Variants in POU3F3 observed in about 807,000 individuals in gnomAD.
The protein encoded by POU3F3 is POU domain, class 3, transcription factor 3.
A neutral mutation model predicts 8.6 loss-of-function variants in POU3F3; 1 was observed. The observed-to-expected ratio is 0.12, with a 90% CI of 0.04 to 0.55. The LOEUF (loss-of-function observed/expected upper bound fraction) is 0.55, where lower values mean the gene tolerates loss of function less well. POU3F3 is among the 20% of genes least tolerant of loss of function. POU3F3 has a pLI of 0.91. For synonymous variants in POU3F3, 418 were observed against 327.4 expected, an observed-to-expected ratio of 1.28 and a Z score of -2.99; for missense variants, 577 against 690.7, an observed-to-expected ratio of 0.84 and a Z score of 1.84.
the POU3F3 span, among the ~76,000 whole-genome samples, chr2:104,903,655 T>C: frequency 2.6e-5 from 4 of 152,292 alleles, no homozygotes; most frequent in East Asian, 5.8e-4. Context: ...GCACCAGGCA[T>C]ATGTGTCTGG....
the POU3F3 span, among the ~76,000 whole-genome samples, chr2:104,894,230 A>G: frequency 2.0e-5 from 3 of 152,262 alleles, no homozygotes; most frequent in African/African-American, 7.2e-5. Context: ...GTTAGGCATT[A>G]TCACTATTAA....
At chr2:104,918,517 A>G in the POU3F3 span, among the ~76,000 whole-genome samples, 4,203 of 152,258 alleles carry the variant, frequency 0.028, 371 homozygotes, top group East Asian at 0.27. Flanking sequence ...GTGTCCTTAT[A>G]ACATGAGGAC....
At chr2:104,896,567 C>T in the POU3F3 span, among the ~76,000 whole-genome samples, 1 of 152,258 alleles carries the variant, frequency 6.6e-6, no homozygotes, top group Admixed American at 6.5e-5. Context: ...CCCCTCTCAA[C>T]TTCTTCCACA....
In POU3F3 at chr2:104,855,596, CTGGCGGCGGCGGGGGTGGCGGCGG is replaced by C. The variant is rs1310130324; in HGVS notation, c.87_110del (p.Gly36_Gly43del). 7 of 934,104 alleles carry C rather than the reference CTGGCGGCGGCGGGGGTGGCGGCGG, an allele frequency of 7.5e-6. No individual in the cohort carries two copies. Among genetic ancestry groups the C allele is most frequent in the East Asian group, 1.4e-4 (1 of 6,906 alleles). The allele number at this position is 934,104 out of a possible 1,614,324, so 57.9% of individuals were successfully genotyped here. A position where few individuals can be genotyped will look rare whatever the true frequency, so the allele number is the denominator to read the frequency against. On this transcript the variant is annotated inframe_deletion, in exon 1 of 1. Transcript: ENST00000361360. ...ATTGTGCACTCGGACGCGGCAGGGG[CTGGCGGCGGCGGGGGTGGCGGCGG>C]CGGCGGCGGCGGGGGCGGCGCAGGG...
At chr2:104,861,708 GTGT>G (rs1433071058), downstream of POU3F3, among the ~76,000 whole-genome samples, 2 of 152,338 alleles carry the variant, frequency 1.3e-5, no homozygotes, top group East Asian at 3.9e-4. Context: ...ATCAGCACAG[GTGT>G]TGTTGTCGTT....
At chr2:104,870,836 T>C in the POU3F3 span, among the ~76,000 whole-genome samples, 1 of 152,090 alleles carries the variant, frequency 6.6e-6, no homozygotes, top group Non-Finnish European at 1.5e-5. Flanking sequence ...GCAAGGAGGG[T>C]TGGCAAATCA....
chr2:104,877,633 T>C, the POU3F3 span, among the ~76,000 whole-genome samples: 1 of 151,794 alleles, frequency 6.6e-6, no homozygotes, highest in African/African-American at 2.4e-5. Flanking sequence ...TCAATTGCCA[T>C]CACTGATTCT....
Position 104,857,117 on chromosome 2 carries a change from TGCC to T in POU3F3, c.*113_*115del. ...CCGCCGCCGCCGCCGCCGCCGCCGC[TGCC>T]GCCGCCGCGCCGACCCTGCACCTGG... is the stretch of plus-strand genomic sequence containing the variant. On this transcript the variant is annotated 3_prime_UTR_variant, in exon 1 of 1. Transcript: ENST00000361360. 3 of 952,218 alleles carry T rather than the reference TGCC, an allele frequency of 3.2e-6. No homozygotes were observed. The highest frequency in any genetic ancestry group is 1.2e-4 in the East Asian group (1 of 8,670). 59.0% of individuals were successfully genotyped at this position (952,218 alleles called of 1,614,324 possible). A position where few individuals can be genotyped will look rare whatever the true frequency, so the allele number is the denominator to read the frequency against.
At chr2:104,912,739 C>A in the POU3F3 span, among the ~76,000 whole-genome samples, 3 of 152,310 alleles carry the variant, frequency 2.0e-5, no homozygotes, top group South Asian at 6.2e-4. Flanking sequence ...TTGCTGGGGA[C>A]ACCTCTTGCC....
chr2:104,877,049 T>TACACACACAC, the POU3F3 span, among the ~76,000 whole-genome samples: 3,761 of 150,628 alleles, frequency 0.025, 63 homozygotes, highest in Middle Eastern at 0.056. Context: ...GACTGTGGTA[T>TACACACACAC]ACACACACAC....
At chr2:104,896,180 C>G in the POU3F3 span, among the ~76,000 whole-genome samples, 1 of 152,194 alleles carries the variant, frequency 6.6e-6, no homozygotes, top group Admixed American at 6.5e-5. Context: ...AGAAGGACTC[C>G]ATAGTCTCTA....
At chr2:104,922,313 C>G in the POU3F3 span, among the ~76,000 whole-genome samples, 2 of 139,608 alleles carry the variant, frequency 1.4e-5, no homozygotes, top group Admixed American at 1.5e-4. Flanking sequence ...AAAAATAAAC[C>G]AACAGAAGCC....
At chr2:104,865,022 A>C in the POU3F3 span, among the ~76,000 whole-genome samples, 1 of 152,236 alleles carries the variant, frequency 6.6e-6, no homozygotes, top group African/African-American at 2.4e-5. Context: ...TTGTATCTGT[A>C]AAATATACTC....
chr2:104,897,982 A>G, the POU3F3 span, among the ~76,000 whole-genome samples: 2 of 152,242 alleles, frequency 1.3e-5, no homozygotes, highest in East Asian at 3.8e-4. Flanking sequence ...CTAAGTTATA[A>G]GAGGGACTGA....
At chr2:104,917,495 C>A in the POU3F3 span, among the ~76,000 whole-genome samples, 1 of 151,916 alleles carries the variant, frequency 6.6e-6, no homozygotes, top group Admixed American at 6.6e-5. Flanking sequence ...CTGAGCAAGT[C>A]TGAAGGTAAC....
rs1235220040 is a variant in POU3F3, at chr2:104,855,587, C to T, written c.77C>T (p.Ala26Val). ...GCCGGCTCTATTGTGCACTCGGACG[C>T]GGCAGGGGCTGGCGGCGGCGGGGGT... The part of the protein sequence containing the change: ...LAAGSIVHSD[A>V]AGAGGGGGGG... The change falls in exon 1 of 1, where the codon GCG becomes GTG. Residue 26 changes from alanine (A) to valine (V), a missense_variant. Coordinates refer to ENST00000361360, the MANE Select transcript of POU3F3 (RefSeq NM_006236.3). 2.1e-6 allele frequency: 2 copies of T among 944,584 alleles called. No individual in the cohort carries two copies. The highest frequency in any genetic ancestry group is 2.4e-6 in the Non-Finnish European group (2 of 819,542). 58.5% of individuals were successfully genotyped at this position (944,584 alleles called of 1,614,324 possible).
the POU3F3 span, chr2:104,865,480 T>A: frequency 2.4e-4 from 36 of 152,286 alleles, no homozygotes; most frequent in African/African-American, 7.7e-4. Context: ...AAAAACTTTT[T>A]AAATTTTTTT....
the POU3F3 span, among the ~76,000 whole-genome samples, chr2:104,916,597 G>T: frequency 6.6e-6 from 1 of 152,132 alleles, no homozygotes; most frequent in Non-Finnish European, 1.5e-5. Context: ...CCCAGCAGGA[G>T]GTATCTAAGA....
chr2:104,856,169 TG>T lies in POU3F3; in HGVS notation c.660del (p.Leu221SerfsTer10). Reference sequence around the variant, plus strand: ...GGCCAGCAGCCGCCGCCGCAGAGTCTGCTCTACTCGCAGCCCGGAGGCTTCA... The same window carrying T: ...GGCCAGCAGCCGCCGCCGCAGAGTCTCTCTACTCGCAGCCCGGAGGCTTCA... ...AGGQQPPPQSLLYSQPGGFTV... is the reference protein window; with the variant it reads ...AGGQQPPPQSXLYSQPGGFTV... On this transcript the variant is annotated frameshift_variant, in exon 1 of 1. Coordinates refer to ENST00000361360, the MANE Select transcript of POU3F3 (RefSeq NM_006236.3). LOFTEE classifies it low-confidence loss of function (END_TRUNC). 7.9e-7 allele frequency: 1 copy of T among 1,260,482 alleles called. No individual in the cohort carries two copies. The highest frequency in any genetic ancestry group is 2.8e-5 in the South Asian group (1 of 35,848). The allele number at this position is 1,260,482 out of a possible 1,614,324, so 78.1% of individuals were successfully genotyped here. A position where few individuals can be genotyped will look rare whatever the true frequency, so the allele number is the denominator to read the frequency against.
Sources: allele counts gnomAD v4.1 joint callset (sites outside exome capture counted in the v4.1 genomes callset), GRCh38; gene constraint gnomAD v4.1.1; transcripts MANE v1.5; gene names NCBI Gene and HGNC (gene_info 2026-07-23, HGNC 2026-07-21).